Variants in BAIAP2 observed in about 807,000 individuals in gnomAD.
The protein encoded by BAIAP2 is BAR/IMD domain containing adaptor protein 2.
A neutral mutation model predicts 63.0 loss-of-function variants in BAIAP2; 18 were observed. The observed-to-expected ratio is 0.29, with a 90% confidence interval of 0.20 to 0.42. BAIAP2 has a LOEUF of 0.42. BAIAP2 is among the 10% of genes least tolerant of loss of function. The probability of loss-of-function intolerance (pLI) is 1.00; values close to 1 mark genes in which losing one functional copy is unlikely to be tolerated. For synonymous variants in BAIAP2, 386 were observed against 307.6 expected, an observed-to-expected ratio of 1.25 and a Z score of -2.67; for missense variants, 610 against 734.3, an observed-to-expected ratio of 0.83 and a Z score of 1.96.
At chr17:81,113,499 C>G (rs1434213546) in intron 13 of BAIAP2, among the ~76,000 whole-genome samples, 1 of 152,190 alleles carries the variant, frequency 6.6e-6, no homozygotes, top group Non-Finnish European at 1.5e-5. Context: ...CTGGGCGCGT[C>G]TTTCCCAGAC....
chr17:81,074,384 A>G (rs2053257170), intron 3 of BAIAP2, among the ~76,000 whole-genome samples: 4 of 150,574 alleles, frequency 2.7e-5, no homozygotes, highest in Admixed American at 6.6e-5. Context: ...GCGTGCACGG[A>G]TACGTGAGTG....
At chr17:81,091,351 C>G (rs374699120) in intron 6 of BAIAP2, among the ~76,000 whole-genome samples, 17 of 152,224 alleles carry the variant, frequency 1.1e-4, no homozygotes, top group African/African-American at 4.1e-4. Context: ...GACCTCTTCA[C>G]CGGCCTCTCC....
intron 13 of BAIAP2, chr17:81,110,263 A>G: frequency 2.0e-6 from 2 of 985,666 alleles, no homozygotes; most frequent in South Asian, 4.7e-5. Flanking sequence ...GCGTGACATT[A>G]AGGAGAGCTC....
At position 81,078,608 on chromosome 17, in the gene BAIAP2, G is replaced by C. The variant is rs548595831; in HGVS notation, c.218-6224G>C. ...TGCTGTGGGTGCGGGTGCCGTATTG[G>C]GTGGGAGCCGGGCTCTGTGGGTGCA... On this transcript the variant is annotated intron_variant, in intron 3 of 13. Coordinates refer to ENST00000428708, the MANE Select transcript of BAIAP2 (RefSeq NM_001144888.2). 2.3e-3 allele frequency among the ~76,000 whole-genome samples: 352 copies of C among 150,066 alleles called. 1 individual carries two copies. The highest frequency in any genetic ancestry group is 8.3e-3 in the African/African-American group (337 of 40,636).
intron 7 of BAIAP2, among the ~76,000 whole-genome samples, chr17:81,101,316 A>C (rs1450117636): frequency 6.6e-6 from 1 of 152,092 alleles, no homozygotes. Flanking sequence ...CGATGTGAGC[A>C]AGGGGATCCC....
intron 1 of BAIAP2, among the ~76,000 whole-genome samples, chr17:81,037,414 T>TCA (rs2046427867): frequency 6.6e-6 from 1 of 152,256 alleles, no homozygotes; most frequent in African/African-American, 2.4e-5. Context: ...GGAGCCTGAC[T>TCA]GCTGAGTCTT....
At chr17:81,058,111 G>A (rs922336042) in intron 3 of BAIAP2, 144 bp downstream of exon 3, 1 of 717,478 alleles carries the variant, frequency 1.4e-6, no homozygotes, top group African/African-American at 1.8e-5. Context: ...CAGTCACCCT[G>A]GGAGCTGCCT....
chr17:81,104,310 G>C (rs569254005), intron 9 of BAIAP2, among the ~76,000 whole-genome samples: 41 of 152,340 alleles, frequency 2.7e-4, no homozygotes, highest in African/African-American at 9.4e-4. Flanking sequence ...GGTGCTCAGT[G>C]GGGGCATGAG....
chr17:81,043,926 G>A (rs962274032), intron 1 of BAIAP2, among the ~76,000 whole-genome samples: 5 of 152,252 alleles, frequency 3.3e-5, no homozygotes, highest in South Asian at 2.1e-4. Context: ...AGACGATAGC[G>A]TATTTCCTGG....
chr17:81,057,969 T>TGCGGGG lies in BAIAP2; in HGVS notation c.217+3_217+4insCGGGGG. On this transcript the variant is annotated splice_region_variant and intron_variant, in intron 3 of 13. Transcript: ENST00000428708. Reference sequence around the variant, plus strand: ...AGAGCCAGGGCTCCAAAGAACTCGGTGAGACCCCCCCCCCCCCCCCGCCTG... The same window carrying TGCGGGG: ...AGAGCCAGGGCTCCAAAGAACTCGGTGCGGGGGAGACCCCCCCCCCCCCCCCGCCTG... 2.1e-6 allele frequency: 2 copies of TGCGGGG among 964,842 alleles called. No homozygotes were observed. Among genetic ancestry groups the TGCGGGG allele is most frequent in the Non-Finnish European group, 1.4e-6 (1 of 713,566 alleles). The allele number at this position is 964,842 out of a possible 1,614,324, so 59.8% of individuals were successfully genotyped here.
intron 13 of BAIAP2, among the ~76,000 whole-genome samples, chr17:81,115,495 G>A (rs2060444106): frequency 8.4e-6 from 1 of 118,968 alleles, no homozygotes; most frequent in South Asian, 2.3e-4. Context: ...GCCCTGCCCT[G>A]CCCAGCCCAC....
At position 81,104,686 on chromosome 17, in the gene BAIAP2, G is replaced by A. The variant is rs2145925099; in HGVS notation, c.1239G>A (p.Trp413Ter). ...TGGTGCCTGAGGCCCGCGATGGCTG[G>A]CACTACGGAGAGAGTGAGAAGACCA... ...TLLVPEARDG[W>*]HYGESEKTKM... Residue 413 changes from tryptophan to a stop codon, truncating the protein, a stop_gained, in exon 10 of 14, where the codon TGG (tryptophan) becomes TGA (stop). Coordinates refer to ENST00000428708, the MANE Select transcript of BAIAP2 (RefSeq NM_001144888.2). LOFTEE classifies it high-confidence loss of function. 6.3e-7 allele frequency: 1 copy of A among 1,596,310 alleles called. No homozygotes were observed. Among genetic ancestry groups the A allele is most frequent in the African/African-American group, 1.3e-5 (1 of 74,598 alleles).
At chr17:81,091,725 C>G (rs528408699) in intron 6 of BAIAP2, among the ~76,000 whole-genome samples, 68 of 152,346 alleles carry the variant, frequency 4.5e-4, no homozygotes, top group Non-Finnish European at 9.0e-4. Flanking sequence ...AGTGACCCCA[C>G]GCAAGGGTGG....
intron 1 of BAIAP2, among the ~76,000 whole-genome samples, chr17:81,043,338 G>A (rs968076831): frequency 4.6e-5 from 7 of 152,188 alleles, no homozygotes; most frequent in South Asian, 4.1e-4. Flanking sequence ...CGGAAAGCCC[G>A]TCCTCACGCA....
At chr17:81,054,635 CA>C (rs2049168540) in intron 2 of BAIAP2, among the ~76,000 whole-genome samples, 1 of 152,188 alleles carries the variant, frequency 6.6e-6, no homozygotes, top group Non-Finnish European at 1.5e-5. Flanking sequence ...GTAACTGCAG[CA>C]GCTTCGGGTT....
chr17:81,058,681 C>G (rs887436869), intron 3 of BAIAP2, among the ~76,000 whole-genome samples: 2 of 152,258 alleles, frequency 1.3e-5, no homozygotes, highest in African/African-American at 4.8e-5. Flanking sequence ...ACAAGGAAGC[C>G]TGAGTCGCTG....
rs573721782 is a variant in BAIAP2, at chr17:81,115,945, G to A, written c.*106G>A. ...CCTGTGTAGAGAACATCCAGGCCCC[G>A]GCTGCCTGGTCTTGCCCCACTTGAG... is the stretch of plus-strand genomic sequence containing the variant. On this transcript the variant is annotated 3_prime_UTR_variant, in exon 14 of 14. Coordinates refer to ENST00000428708, the MANE Select transcript of BAIAP2 (RefSeq NM_001144888.2). The A allele has an allele frequency of 1.1e-5, 17 of 1,541,616 alleles. No homozygotes were observed. The highest frequency in any genetic ancestry group is 9.5e-5 in the East Asian group (4 of 42,298).
chr17:81,087,251 A>ACCC (rs2055836429), intron 6 of BAIAP2, among the ~76,000 whole-genome samples: 1 of 152,234 alleles, frequency 6.6e-6, no homozygotes, highest in Non-Finnish European at 1.5e-5. Context: ...ACCCAGGTAG[A>ACCC]AGCTTCTGGG....
At chr17:81,073,088 G>A (rs1346612921) in intron 3 of BAIAP2, among the ~76,000 whole-genome samples, 1 of 152,020 alleles carries the variant, frequency 6.6e-6, no homozygotes, top group Non-Finnish European at 1.5e-5. Context: ...TGGGGCCCTG[G>A]TGGCCCCAGT....
Sources: allele counts gnomAD v4.1 joint callset (sites outside exome capture counted in the v4.1 genomes callset), GRCh38; gene constraint gnomAD v4.1.1; transcripts MANE v1.5; gene names NCBI Gene and HGNC (gene_info 2026-07-23, HGNC 2026-07-21).